The following TMEM11 variants were observed in gnomAD, a reference collection of about 807,000 sequenced individuals.
TMEM11 encodes the protein transmembrane protein 11, mitochondrial.
In TMEM11, 1 loss-of-function variant was observed where a neutral mutation model predicts 17.0. The ratio of observed to expected loss-of-function variants is 0.06; its 90% CI spans 0.02 to 0.28. TMEM11 has a LOEUF of 0.28. Ranked by LOEUF, TMEM11 falls within the 10% of genes least tolerant of loss-of-function variation. The pLI, the probability that TMEM11 is intolerant of heterozygous loss-of-function variation, is 1.00. For synonymous variants in TMEM11, 122 were observed against 118.1 expected (o/e 1.03, Z -0.21); for missense variants, 172 against 252.9 (o/e 0.68, Z 2.17).
At chr17:21,199,454 C>G (rs940771003) in intron 1 of TMEM11, among the ~76,000 whole-genome samples, 7 of 152,126 alleles carry the variant, frequency 4.6e-5, no homozygotes, top group Non-Finnish European at 1.0e-4. Flanking sequence ...GCAAAGGAGC[C>G]TAAAGGGGAA....
rs1974850862 is a variant in TMEM11, at chr17:21,198,977, C to T, written c.63-137G>A. ...GAGCACATCTCACTTGGGTCCTCAT[C>T]TCCTTTAAATCCCAACACAAGATAA... On this transcript the variant is annotated intron_variant, in intron 1 of 1. Transcript: ENST00000317635. This position sits in a 1 kb window ranked among gnomAD's most constrained non-coding sequence, Gnocchi z 6.5. 1.1e-6 allele frequency: 1 copy of T among 904,788 alleles called. No individual in the cohort carries two copies. The highest frequency in any genetic ancestry group is 1.6e-6 in the Non-Finnish European group (1 of 613,644). The allele number at this position is 904,788 out of a possible 1,614,324, so 56.0% of individuals were successfully genotyped here.
intron 1 of TMEM11, among the ~76,000 whole-genome samples, chr17:21,200,445 C>G (rs1974871296): frequency 6.6e-6 from 1 of 152,230 alleles, no homozygotes; most frequent in African/African-American, 2.4e-5. Flanking sequence ...GCTCTTGAGG[C>G]TGGATCAAGT....
chr17:21,210,039 C>A (rs1203865206), intron 1 of TMEM11, among the ~76,000 whole-genome samples: 10 of 152,168 alleles, frequency 6.6e-5, no homozygotes, highest in Non-Finnish European at 1.5e-4. Context: ...CCAACTCCAC[C>A]CCCCGCACCT....
At chr17:21,213,872 C>T (rs1975031248) in intron 1 of TMEM11, 1 of 568,426 alleles carries the variant, frequency 1.8e-6, no homozygotes, top group East Asian at 3.2e-5. Flanking sequence ...CTTACTCAGC[C>T]CGGCTAACGC....
At chr17:21,204,148 A>C (rs1974916070) in intron 1 of TMEM11, among the ~76,000 whole-genome samples, 1 of 150,778 alleles carries the variant, frequency 6.6e-6, no homozygotes, top group Admixed American at 6.6e-5. Context: ...AAGAAAGAAA[A>C]AGTGGCCAGG....
Position 21,198,876 on chromosome 17 carries a change from G to A in TMEM11, c.63-36C>T, listed in dbSNP as rs1974849481. 1 of 1,579,842 alleles carries A rather than the reference G, an allele frequency of 6.3e-7. No homozygotes were observed. Among genetic ancestry groups the A allele is most frequent in the East Asian group, 2.2e-5 (1 of 44,568 alleles). On this transcript the variant is annotated intron_variant, in intron 1 of 1. Coordinates refer to ENST00000317635, the MANE Select transcript of TMEM11 (RefSeq NM_003876.3). This position sits in a 1 kb window ranked among gnomAD's most constrained non-coding sequence, Gnocchi z 6.5. ...AGGGGGCAGGAAAGGGAGAGAGAGA[G>A]AGAGACAGGATGATTAGGCTGAGGA...
chr17:21,208,094 G>T (rs995521718), intron 1 of TMEM11, among the ~76,000 whole-genome samples: 1 of 150,140 alleles, frequency 6.7e-6, no homozygotes, highest in Non-Finnish European at 1.5e-5. Context: ...CTGGGTTCAC[G>T]CCATTCTCCT....
rs1172244427 is a variant in TMEM11, at chr17:21,199,000, T to C, written c.63-160A>G. ...ATCTCCTTTAAATCCCAACACAAGATAATCAGTAAAAAGGATTTTTCCTGA... is the reference window on the plus strand; with the variant it reads ...ATCTCCTTTAAATCCCAACACAAGACAATCAGTAAAAAGGATTTTTCCTGA... On this transcript the variant is annotated intron_variant, in intron 1 of 1. Coordinates refer to ENST00000317635, the MANE Select transcript of TMEM11 (RefSeq NM_003876.3). The surrounding 1 kb of genome is among the most constrained non-coding windows in gnomAD (Gnocchi z 6.5). Among the ~76,000 whole-genome samples, 1 of 152,034 alleles carries C rather than the reference T, an allele frequency of 6.6e-6. No homozygotes were observed. The highest frequency in any genetic ancestry group is 1.5e-5 in the Non-Finnish European group (1 of 67,996).
intron 1 of TMEM11, among the ~76,000 whole-genome samples, chr17:21,207,996 CT>C (rs34994696): frequency 0.81 from 105,574 of 129,784 alleles, 42,626 homozygotes; most frequent in Middle Eastern, 0.86. Context: ...AAAAGTGTTT[CT>C]TTTTTTTTTT....
chr17:21,211,379 A>G (rs1264527402), intron 1 of TMEM11, among the ~76,000 whole-genome samples: 5 of 152,234 alleles, frequency 3.3e-5, no homozygotes, highest in Non-Finnish European at 7.3e-5. Context: ...CCAATATGGT[A>G]GCCACAGGCC....
At chr17:21,208,138 A>G (rs1396247896) in intron 1 of TMEM11, among the ~76,000 whole-genome samples, 5 of 151,182 alleles carry the variant, frequency 3.3e-5, no homozygotes, top group African/African-American at 7.3e-5. Context: ...GACTACAGGC[A>G]ATCGCCACCA....
At chr17:21,212,727 C>T (rs1362354366) in intron 1 of TMEM11, among the ~76,000 whole-genome samples, 2 of 152,180 alleles carry the variant, frequency 1.3e-5, no homozygotes, top group Non-Finnish European at 1.5e-5. Flanking sequence ...TGCTTTTAGT[C>T]CAACAAGAGG....
chr17:21,210,455 G>A lies in TMEM11; in HGVS notation c.62+3636C>T, dbSNP rs562854457. Among the ~76,000 whole-genome samples, 11 of 152,174 alleles carry A rather than the reference G, an allele frequency of 7.2e-5. No individual in the cohort carries two copies. In the East Asian group the frequency reaches 1.5e-3, roughly 21 times the overall value. On this transcript the variant is annotated intron_variant, in intron 1 of 1. Transcript: ENST00000317635. The stretch of plus-strand genomic sequence containing the variant: ...CAGCCAGAAGGAAACAAAAACTCCC[G>A]CCACACACAAAAGCAAGCATGGAGT...
intron 1 of TMEM11, chr17:21,213,492 A>G (rs531330553): frequency 6.6e-6 from 1 of 152,522 alleles, no homozygotes; most frequent in African/African-American, 2.4e-5. Context: ...CTTCTACGGC[A>G]GGAGCGCTTG....
chr17:21,209,440 A>C (rs983512126), intron 1 of TMEM11, among the ~76,000 whole-genome samples: 30 of 151,954 alleles, frequency 2.0e-4, no homozygotes, highest in African/African-American at 7.0e-4. Flanking sequence ...TGGCTGTTGA[A>C]ATTTAAATTA....
intron 1 of TMEM11, among the ~76,000 whole-genome samples, chr17:21,210,427 TC>T (rs1391663361): frequency 1.3e-5 from 2 of 152,010 alleles, no homozygotes; most frequent in Admixed American, 1.3e-4. Flanking sequence ...GCTCATCTCA[TC>T]CCAGCCAGAA....
intron 1 of TMEM11, chr17:21,213,075 G>T (rs1274474338): frequency 6.6e-6 from 1 of 152,234 alleles, no homozygotes; most frequent in Non-Finnish European, 1.5e-5. Context: ...AACACGGGAT[G>T]GAATCAGTCA....
At chr17:21,203,991 C>CTTT (rs368733534) in intron 1 of TMEM11, among the ~76,000 whole-genome samples, 3 of 107,646 alleles carry the variant, frequency 2.8e-5, no homozygotes, top group East Asian at 2.8e-4. Flanking sequence ...ATTATATGGA[C>CTTT]TTTTTTTTTT....
chr17:21,198,159 G>T lies in TMEM11; in HGVS notation c.*165C>A. ...GGAAATCCACATCTTAGTGTAATGA[G>T]CTGAAAAACCCTGGGTACACCCGTG... is the stretch of plus-strand genomic sequence containing the variant. On this transcript the variant is annotated 3_prime_UTR_variant, in exon 2 of 2. Transcript: ENST00000317635. The surrounding 1 kb of genome is among the most constrained non-coding windows in gnomAD (Gnocchi z 6.5). 1 of 863,856 alleles carries T rather than the reference G, an allele frequency of 1.2e-6. No individual in the cohort carries two copies. Among genetic ancestry groups the T allele is most frequent in the Non-Finnish European group, 1.7e-6 (1 of 576,828 alleles). 53.5% of individuals were successfully genotyped at this position (863,856 alleles called of 1,614,324 possible). A position where few individuals can be genotyped will look rare whatever the true frequency, so the allele number is the denominator to read the frequency against.
Sources: allele counts gnomAD v4.1 joint callset (sites outside exome capture counted in the v4.1 genomes callset), GRCh38; gene constraint gnomAD v4.1.1; non-coding constraint Gnocchi (gnomAD v3.1); transcripts MANE v1.5; gene names NCBI Gene and HGNC (gene_info 2026-07-23, HGNC 2026-07-21).